ATAD2B: variants seen among roughly 807,000 people sequenced by gnomAD.
ATAD2B encodes the protein ATPase family AAA domain-containing protein 2B.
Under a neutral mutation model 167.6 loss-of-function variants are expected in ATAD2B, and 40 were observed. The observed-to-expected ratio is 0.24, with a 90% CI of 0.19 to 0.31. The LOEUF is 0.31. ATAD2B is among the 10% of genes least tolerant of loss of function. The probability of loss-of-function intolerance (pLI) is 1.00; values close to 1 mark genes in which losing one functional copy is unlikely to be tolerated. For synonymous variants in ATAD2B, 579 were observed against 596.5 expected (o/e 0.97, Z 0.43); for missense variants, 1,242 against 1,757.2 (o/e 0.71, Z 5.24).
chr2:23,789,227 T>G (rs1352323681), intron 19 of ATAD2B, among the ~76,000 whole-genome samples: 1 of 152,130 alleles, frequency 6.6e-6, no homozygotes, highest in African/African-American at 2.4e-5. Context: ...CTCCATCCAC[T>G]TGGTGATTAC....
At chr2:23,709,079 T>C in the ATAD2B span, among the ~76,000 whole-genome samples, 5 of 152,144 alleles carry the variant, frequency 3.3e-5, no homozygotes, top group Admixed American at 1.3e-4. Context: ...TCACTCTTGT[T>C]GCCCAGACTG....
At chr2:23,889,955 C>T (rs1170927287) in intron 2 of ATAD2B, among the ~76,000 whole-genome samples, 1 of 151,430 alleles carries the variant, frequency 6.6e-6, no homozygotes, top group Non-Finnish European at 1.5e-5. Context: ...TGGCTCATGC[C>T]TGTAATCCCA....
chr2:23,791,110 G>A (rs1018330545), intron 19 of ATAD2B, among the ~76,000 whole-genome samples: 2 of 152,182 alleles, frequency 1.3e-5, no homozygotes, highest in African/African-American at 4.8e-5. Context: ...TTTCCAAGTT[G>A]TAGTATGTAT....
Position 23,750,679 on chromosome 2 carries a change from T to C in ATAD2B, c.*1367A>G, listed in dbSNP as rs938037951. Reference sequence around the variant, plus strand: ...TACCAAGCCAACTTGCTGGCAAAATTTTCTTTTTGTTTAAAAATCATCTGA... The same window carrying C: ...TACCAAGCCAACTTGCTGGCAAAATCTTCTTTTTGTTTAAAAATCATCTGA... On this transcript the variant is annotated 3_prime_UTR_variant, in exon 28 of 28. Coordinates refer to ENST00000238789, the MANE Select transcript of ATAD2B (RefSeq NM_017552.4). The C allele has an allele frequency of 3.9e-5, 6 of 152,142 alleles. No individual in the cohort carries two copies. Among genetic ancestry groups the C allele is most frequent in the Non-Finnish European group, 5.9e-5 (4 of 68,004 alleles). The allele number at this position is 152,142 out of a possible 1,614,324, so 9.4% of individuals were successfully genotyped here. A position where few individuals can be genotyped will look rare whatever the true frequency, so the allele number is the denominator to read the frequency against.
chr2:23,914,666 C>T (rs866484540), intron 1 of ATAD2B, among the ~76,000 whole-genome samples: 5 of 151,414 alleles, frequency 3.3e-5, no homozygotes, highest in South Asian at 2.1e-4. Flanking sequence ...AGCGAAACCC[C>T]GTCTCTACTA....
Position 23,863,552 on chromosome 2 carries a change from G to A in ATAD2B, c.1308C>T (p.Gly436=), listed in dbSNP as rs1259610275. ...TGCCAGGAGGGCCATAAAACAAACA[G>A]CCCCTAGAAGAATAAAAAAATCAAG... ...FEKFKIQPPR[G]CLFYGPPGTG... is the part of the protein sequence containing the mutation. Residue 436 remains glycine, a synonymous_variant, in exon 12 of 28, where the codon GGC becomes GGT. Transcript: ENST00000238789. 6.5e-7 allele frequency: 1 copy of A among 1,546,174 alleles called. No individual in the cohort carries two copies. The highest frequency in any genetic ancestry group is 8.7e-7 in the Non-Finnish European group (1 of 1,149,526).
chr2:23,742,171 C>A, the ATAD2B span, among the ~76,000 whole-genome samples: 2 of 152,240 alleles, frequency 1.3e-5, no homozygotes, highest in East Asian at 3.9e-4. Flanking sequence ...CTAGAACTAG[C>A]AATACCATTT....
chr2:23,797,183 C>T (rs1208474153), intron 19 of ATAD2B, among the ~76,000 whole-genome samples: 2 of 152,086 alleles, frequency 1.3e-5, no homozygotes, highest in African/African-American at 4.8e-5. Context: ...TATTATAGCA[C>T]TTAAAACATG....
the ATAD2B span, among the ~76,000 whole-genome samples, chr2:23,688,493 A>G: frequency 6.6e-6 from 1 of 152,136 alleles, no homozygotes; most frequent in East Asian, 1.9e-4. Context: ...CTAATCCTGG[A>G]TGAGTCTGTG....
chr2:23,894,960 T>C (rs779465032), intron 2 of ATAD2B, among the ~76,000 whole-genome samples: 2 of 152,170 alleles, frequency 1.3e-5, no homozygotes, highest in Non-Finnish European at 2.9e-5. Flanking sequence ...TCAAAGTCTA[T>C]ATAACCCCAA....
chr2:23,692,735 C>T, the ATAD2B span, among the ~76,000 whole-genome samples: 1 of 152,226 alleles, frequency 6.6e-6, no homozygotes, highest in Admixed American at 6.5e-5. Context: ...GCTCCCACCC[C>T]AGACCTAGCC....
At position 23,926,989 on chromosome 2, in the gene ATAD2B, C is replaced by G. The variant is rs776063948; in HGVS notation, c.-219G>C. On this transcript the variant is annotated 5_prime_UTR_variant, in exon 1 of 28. Transcript: ENST00000238789. ...CGGGAAGCGGGGGCGGTGCTGCAGA[C>G]CGGCAGCACAGACACTCCGCCGGCT... The G allele has an allele frequency of 3.3e-5, 18 of 541,580 alleles. No homozygotes were observed. The highest frequency in any genetic ancestry group is 1.7e-4 in the East Asian group (5 of 29,114). The allele number at this position is 541,580 out of a possible 1,614,324, so 33.5% of individuals were successfully genotyped here.
intron 8 of ATAD2B, among the ~76,000 whole-genome samples, chr2:23,871,618 C>T (rs1695988783): frequency 6.6e-6 from 1 of 152,160 alleles, no homozygotes; most frequent in Non-Finnish European, 1.5e-5. Context: ...ACACTGAACA[C>T]ACTAATGAAA....
chr2:23,819,840 G>C lies in ATAD2B; in HGVS notation c.2174C>G (p.Ala725Gly), dbSNP rs1196616490. ...LILEDSEDEN[A>G]LSIFETNCHS... Reference sequence around the variant, plus strand: ...ACAATTGGTCTCAAAAATTGATAAAGCATTTTCATCTTCACTATCCTCTAA... The same window carrying C: ...ACAATTGGTCTCAAAAATTGATAAACCATTTTCATCTTCACTATCCTCTAA... The change falls in exon 17 of 28, where the codon GCT becomes GGT. Residue 725 changes from alanine to glycine, a missense_variant. Ala to Gly is a moderately conservative substitution (Grantham distance 60, BLOSUM62 0). This residue lies in a region of ATAD2B where 145 missense variants were observed against 181.9 expected (regional missense o/e 0.80). Transcript: ENST00000238789. The C allele has an allele frequency of 6.3e-7, 1 of 1,591,968 alleles. No individual in the cohort carries two copies. The highest frequency in any genetic ancestry group is 8.6e-7 in the Non-Finnish European group (1 of 1,161,234).
Position 23,748,906 on chromosome 2 carries a change from C to A in ATAD2B, c.*3140G>T, listed in dbSNP as rs972458766. 1.3e-5 allele frequency: 2 copies of A among 151,968 alleles called. No homozygotes were observed. Among genetic ancestry groups the A allele is most frequent in the African/African-American group, 4.8e-5 (2 of 41,390 alleles). The allele number at this position is 151,968 out of a possible 1,614,324, so 9.4% of individuals were successfully genotyped here. ...TACATGACTGAAACCAAATTGGACT[C>A]CCAAAGTCTAAGTAACCAGATGTAC... On this transcript the variant is annotated 3_prime_UTR_variant, in exon 28 of 28. Coordinates refer to ENST00000238789, the MANE Select transcript of ATAD2B (RefSeq NM_017552.4).
At chr2:23,923,785 G>C (rs1173133401) in intron 1 of ATAD2B, among the ~76,000 whole-genome samples, 1 of 152,132 alleles carries the variant, frequency 6.6e-6, no homozygotes, top group Admixed American at 6.5e-5. Flanking sequence ...AGCTCATAGC[G>C]CTATGACTTT....
At chr2:23,800,309 G>C (rs1683279005) in intron 18 of ATAD2B, among the ~76,000 whole-genome samples, 1 of 152,094 alleles carries the variant, frequency 6.6e-6, no homozygotes, top group Admixed American at 6.5e-5. Flanking sequence ...CCACATACAT[G>C]CCCAGGGTAT....
At chr2:23,705,767 AAG>A in the ATAD2B span, among the ~76,000 whole-genome samples, 4 of 152,040 alleles carry the variant, frequency 2.6e-5, no homozygotes, top group African/African-American at 9.6e-5. Flanking sequence ...GCTGAAATGA[AAG>A]AGTGTCAGGG....
At chr2:23,914,187 AAT>A (rs1702696547) in intron 1 of ATAD2B, among the ~76,000 whole-genome samples, 1 of 152,214 alleles carries the variant, frequency 6.6e-6, no homozygotes, top group African/African-American at 2.4e-5. Flanking sequence ...GTGAGAACTT[AAT>A]GTATTACAAA....
Sources: gnomAD v4.1 joint callset for allele counts (sites outside exome capture counted in the v4.1 genomes callset) on GRCh38, gnomAD v4.1.1 for gene constraint, gnomAD v4.1.1 regional missense constraint, MANE v1.5 for transcripts, NCBI Gene and HGNC (gene_info 2026-07-23, HGNC 2026-07-21) for gene names.